The following SPAG9 variants were observed in gnomAD, a reference collection of about 807,000 sequenced individuals.
SPAG9 encodes sperm associated antigen 9.
Under a neutral mutation model 166.5 loss-of-function variants are expected in SPAG9, and 35 were observed. The ratio of observed to expected loss-of-function variants is 0.21; its 90% CI spans 0.16 to 0.28. The LOEUF is 0.28. Ranked by LOEUF, SPAG9 falls within the 10% of genes least tolerant of loss-of-function variation. SPAG9 has a pLI of 1.00. For missense variants in SPAG9, 1,235 were observed against 1,603.3 expected, an observed-to-expected ratio of 0.77 and a Z score of 3.92; for synonymous variants, 534 against 565.5, an observed-to-expected ratio of 0.94 and a Z score of 0.79.
intron 1 of SPAG9, among the ~76,000 whole-genome samples, chr17:51,102,247 A>G (rs1223621568): frequency 6.6e-6 from 1 of 151,626 alleles, no homozygotes; most frequent in East Asian, 2.0e-4. Flanking sequence ...ATACTAAAAT[A>G]CAAAAAATTA....
intron 9 of SPAG9, among the ~76,000 whole-genome samples, chr17:51,012,172 A>G (rs2045512549): frequency 6.6e-6 from 1 of 152,232 alleles, no homozygotes; most frequent in Non-Finnish European, 1.5e-5. Context: ...CCAGGGAGTT[A>G]GTTTCTCAAA....
chr17:50,985,632 T>A, intron 23 of SPAG9, 66 bp downstream of exon 23: 1 of 877,352 alleles, frequency 1.1e-6, no homozygotes. Context: ...GCTTTCAAAG[T>A]CTTAAAATCT....
intron 6 of SPAG9, among the ~76,000 whole-genome samples, chr17:51,029,598 T>A (rs1051560189): frequency 5.3e-5 from 8 of 152,200 alleles, no homozygotes; most frequent in African/African-American, 1.7e-4. Context: ...GGAAGGGAAT[T>A]CTGTCACATG....
chr17:51,038,903 T>A (rs776100496), intron 5 of SPAG9, among the ~76,000 whole-genome samples: 1 of 152,228 alleles, frequency 6.6e-6, no homozygotes, highest in Non-Finnish European at 1.5e-5. Flanking sequence ...TATTTCTTTT[T>A]AAGAACTTGT....
At position 50,964,926 on chromosome 17, in the gene SPAG9, T is replaced by A. The variant is rs1973286927; in HGVS notation, c.*1346A>T. The A allele has an allele frequency of 5.1e-6, 1 of 194,326 alleles. No homozygotes were observed. Among genetic ancestry groups the A allele is most frequent in the Non-Finnish European group, 1.1e-5 (1 of 90,506 alleles). The allele number at this position is 194,326 out of a possible 1,614,324, so 12.0% of individuals were successfully genotyped here. ...TGCCACCACACCCGGTTAATTTATT[T>A]TGTTTTTTTTTTTTGGTAGAGACAG... On this transcript the variant is annotated 3_prime_UTR_variant, in exon 30 of 30. Transcript: ENST00000262013.
At chr17:51,004,098 G>T (rs555255542) in intron 12 of SPAG9, among the ~76,000 whole-genome samples, 26 of 152,288 alleles carry the variant, frequency 1.7e-4, no homozygotes, top group African/African-American at 6.3e-4. Flanking sequence ...AAGACTAAAT[G>T]TAGTGTGAAA....
chr17:51,113,257 G>A (rs1415802797), intron 1 of SPAG9, among the ~76,000 whole-genome samples: 3 of 151,268 alleles, frequency 2.0e-5, no homozygotes, highest in Non-Finnish European at 2.9e-5. Flanking sequence ...GGAGGCTGAG[G>A]CAGGAGAATC....
Position 51,044,591 on chromosome 17 carries a change from G to A in SPAG9, c.590+2784C>T, listed in dbSNP as rs182701464. On this transcript the variant is annotated intron_variant, in intron 4 of 29. Coordinates refer to ENST00000262013, the MANE Select transcript of SPAG9 (RefSeq NM_001130528.3). ...TATATAAAGGCAGATAAAAGAAAAA[G>A]TACATTTGTTGAACACTCACCACGT... Among the ~76,000 whole-genome samples, 17 of 152,312 alleles carry A rather than the reference G, an allele frequency of 1.1e-4. No homozygotes were observed. The East Asian group carries it at 3.3e-3, about 29-fold the overall frequency.
intron 14 of SPAG9, chr17:50,999,395 T>C: frequency 1.8e-6 from 2 of 1,097,882 alleles, no homozygotes; most frequent in Non-Finnish European, 2.5e-6. Context: ...TATTTAAATT[T>C]GGCAGAGGAT....
At position 50,970,698 on chromosome 17, in the gene SPAG9, A is replaced by G. The variant is rs751600397; in HGVS notation, c.3850+9T>C. On this transcript the variant is annotated intron_variant, in intron 29 of 29. Coordinates refer to ENST00000262013, the MANE Select transcript of SPAG9 (RefSeq NM_001130528.3). ...AGTGCAAACTGAGCACCCAGAACCA[A>G]TGACATACCCATTCGGAAGTCGATG... The G allele has an allele frequency of 3.7e-6, 6 of 1,613,022 alleles. No individual in the cohort carries two copies. In the East Asian group the frequency reaches 6.7e-5, roughly 18 times the overall value.
At chr17:50,985,024 A>C in intron 23 of SPAG9, 34 bp from the exon 24 acceptor site, 1 of 1,587,882 alleles carries the variant, frequency 6.3e-7, no homozygotes, top group South Asian at 1.1e-5. Context: ...AGAACTCTCC[A>C]TTCAGGAATA....
At chr17:51,089,038 A>G (rs2048375870) in intron 1 of SPAG9, among the ~76,000 whole-genome samples, 1 of 150,332 alleles carries the variant, frequency 6.7e-6, no homozygotes, top group South Asian at 2.1e-4. Context: ...GGTTGCGGTG[A>G]GCGAGATTGC....
At chr17:51,098,581 C>G (rs1266261111) in intron 1 of SPAG9, among the ~76,000 whole-genome samples, 2 of 151,630 alleles carry the variant, frequency 1.3e-5, no homozygotes, top group African/African-American at 4.8e-5. Flanking sequence ...CAACGTCTGC[C>G]TCCAGGGTTC....
intron 1 of SPAG9, among the ~76,000 whole-genome samples, chr17:51,093,571 T>G (rs1421004462): frequency 6.6e-6 from 1 of 151,326 alleles, no homozygotes; most frequent in Non-Finnish European, 1.5e-5. Flanking sequence ...GGCGGGTGCC[T>G]CTAGTCCCTG....
At position 50,995,240 on chromosome 17, in the gene SPAG9, A is replaced by G. The variant is rs558858423; in HGVS notation, c.2059-16T>C. ...CACACCACAGCTTCTCAGGTGAAAA[A>G]GAAAACAATATTAAGTCTAGAAATG... On this transcript the variant is annotated splice_polypyrimidine_tract_variant and intron_variant, in intron 17 of 29. Coordinates refer to ENST00000262013, the MANE Select transcript of SPAG9 (RefSeq NM_001130528.3). 55 of 1,604,376 alleles carry G rather than the reference A, an allele frequency of 3.4e-5. No individual in the cohort carries two copies. The African/African-American group carries it at 6.9e-4, about 20-fold the overall frequency.
Position 51,001,732 on chromosome 17 carries a change from T to A in SPAG9, c.1590A>T (p.Arg530=), listed in dbSNP as rs776578350. 1.9e-6 allele frequency: 3 copies of A among 1,610,192 alleles called. No homozygotes were observed. The South Asian group carries it at 3.3e-5, about 18-fold the overall frequency. ...ERLMELQEAV[R]WTEMIRASRE... is the part of the protein sequence containing the mutation. Reference sequence around the variant, plus strand: ...ATACAAACCGAATCATCTCTGTCCATCGAACAGCTTCCTGAAGCTCCATCA... The same window carrying A: ...ATACAAACCGAATCATCTCTGTCCAACGAACAGCTTCCTGAAGCTCCATCA... Residue 530 remains arginine, a synonymous_variant, in exon 13 of 30, where the codon CGA becomes CGT. Transcript: ENST00000262013.
chr17:51,109,232 TTTC>T, intron 1 of SPAG9, among the ~76,000 whole-genome samples: 1 of 151,798 alleles, frequency 6.6e-6, no homozygotes. Context: ...TAAATTTCTT[TTTC>T]TTTTTCTTTT....
chr17:51,029,477 C>T (rs986249835), intron 6 of SPAG9, among the ~76,000 whole-genome samples: 1 of 152,130 alleles, frequency 6.6e-6, no homozygotes, highest in African/African-American at 2.4e-5. Context: ...TTCACAAAAG[C>T]ATTATTCGTA....
chr17:50,999,774 T>C, intron 13 of SPAG9, 57 bp from the exon 14 acceptor site: 6 of 1,482,338 alleles, frequency 4.0e-6, no homozygotes, highest in Non-Finnish European at 5.6e-6. Context: ...CTACCTTTCT[T>C]TCTGAAGAAC....
Sources: gnomAD v4.1 joint callset for allele counts (sites outside exome capture counted in the v4.1 genomes callset) on GRCh38, gnomAD v4.1.1 for gene constraint, MANE v1.5 for transcripts, NCBI Gene and HGNC (gene_info 2026-07-23, HGNC 2026-07-21) for gene names.